Variants in ADGRL4 observed in about 807,000 individuals in gnomAD.
ADGRL4 encodes adhesion G protein-coupled receptor L4, also known as EGF, latrophilin and seven transmembrane domain containing 1.
A neutral mutation model predicts 74.8 loss-of-function variants in ADGRL4; 90 were observed. The ratio of observed to expected loss-of-function variants is 1.20; its 90% CI spans 1.02 to 1.43. The LOEUF (loss-of-function observed/expected upper bound fraction) is 1.43. ADGRL4 is among the 40% of genes most tolerant of loss of function. The pLI is 0.00. For missense variants in ADGRL4, 881 were observed against 814.3 expected, an observed-to-expected ratio of 1.08 and a Z score of -1.00; for synonymous variants, 311 against 279.2, an observed-to-expected ratio of 1.11 and a Z score of -1.14.
At chr1:78,967,038 G>T (rs1389025323) in intron 2 of ADGRL4, among the ~76,000 whole-genome samples, 1 of 151,980 alleles carries the variant, frequency 6.6e-6, no homozygotes, top group East Asian at 1.9e-4. Context: ...GTAATAAGAG[G>T]TCTAATTAAT....
At chr1:78,954,192 A>T (rs11805804) in intron 2 of ADGRL4, among the ~76,000 whole-genome samples, 2,180 of 152,074 alleles carry the variant, frequency 0.014, 55 homozygotes, top group African/African-American at 0.05. Context: ...AATAGTCTGC[A>T]CCTAGTAGGG....
chr1:78,891,670 C>T lies in ADGRL4; in HGVS notation c.1864G>A (p.Ala622Thr), dbSNP rs777964454. The T allele has an allele frequency of 1.2e-5, 19 of 1,612,126 alleles. No individual in the cohort carries two copies. The highest frequency in any genetic ancestry group is 1.6e-4 in the Middle Eastern group (1 of 6,070). ...GTGGTGCCGAGAAGGAACAGAAGAG[C>T]GAGGGCTCCTCTTGCACAAGACCTA... ...NIRSCARGAL[A>T]LLFLLGTTWI... The change falls in exon 14 of 15, where the codon GCT (alanine) becomes ACT (threonine). Residue 622 changes from alanine (A) to threonine (T), a missense_variant. Transcript: ENST00000370742.
chr1:78,903,827 T>A (rs954677434), intron 12 of ADGRL4, among the ~76,000 whole-genome samples: 2 of 151,882 alleles, frequency 1.3e-5, no homozygotes, highest in African/African-American at 4.8e-5. Flanking sequence ...TCCCAGCTAC[T>A]CAGGAGGCTG....
chr1:78,992,156 C>T (rs1650618920), intron 2 of ADGRL4, among the ~76,000 whole-genome samples: 1 of 152,014 alleles, frequency 6.6e-6, no homozygotes, highest in African/African-American at 2.4e-5. Flanking sequence ...TAGAGAAAGT[C>T]ATTATCTCCT....
In ADGRL4 at chr1:79,005,160, G is replaced by A; in HGVS notation, c.82C>T (p.Leu28Phe). 6.2e-7 allele frequency: 1 copy of A among 1,613,586 alleles called. No homozygotes were observed. Among genetic ancestry groups the A allele is most frequent in the East Asian group, 2.2e-5 (1 of 44,802 alleles). The change falls in exon 2 of 15, where the codon CTC becomes TTC. Residue 28 changes from leucine (L) to phenylalanine (F), a missense_variant. By Grantham distance (22) the Leu-to-Phe change is conservative (BLOSUM62 0). Coordinates refer to ENST00000370742, the MANE Select transcript of ADGRL4 (RefSeq NM_022159.4). ...CGTATTTCACATTTTGCATTTGGGA[G>A]ACAAGGTGTCTTGGTGCAATTTTGA... The part of the protein sequence containing the change: ...YTQNCTKTPC[L>F]PNAKCEIRNG...
At chr1:78,966,968 T>A (rs1472990256) in intron 2 of ADGRL4, among the ~76,000 whole-genome samples, 3 of 151,600 alleles carry the variant, frequency 2.0e-5, no homozygotes, top group Non-Finnish European at 2.9e-5. Context: ...TGACAAAGGA[T>A]CTTATGGGGA....
intron 3 of ADGRL4, among the ~76,000 whole-genome samples, chr1:78,940,173 A>G (rs1182385046): frequency 6.6e-6 from 1 of 152,160 alleles, no homozygotes; most frequent in Admixed American, 6.5e-5. Context: ...TATTAAACTA[A>G]ACTGATTTCA....
intron 7 of ADGRL4, among the ~76,000 whole-genome samples, chr1:78,928,447 T>C (rs2100678976): frequency 6.6e-6 from 1 of 151,556 alleles, no homozygotes; most frequent in African/African-American, 2.4e-5. Flanking sequence ...AAATTAGGGG[T>C]TCATTCACTA....
At chr1:78,955,646 G>A (rs994114212) in intron 2 of ADGRL4, among the ~76,000 whole-genome samples, 1 of 151,786 alleles carries the variant, frequency 6.6e-6, no homozygotes, top group Non-Finnish European at 1.5e-5. Flanking sequence ...CCTAAAATGA[G>A]TAAGTTTTTT....
At chr1:78,976,318 T>C (rs974161558) in intron 2 of ADGRL4, among the ~76,000 whole-genome samples, 6 of 152,132 alleles carry the variant, frequency 3.9e-5, no homozygotes, top group Admixed American at 3.9e-4. Flanking sequence ...TAGCAACAGC[T>C]TCTGTTCTCA....
intron 2 of ADGRL4, among the ~76,000 whole-genome samples, chr1:78,973,977 G>T (rs7534310): frequency 0.16 from 24,100 of 151,980 alleles, 2,080 homozygotes; most frequent in Middle Eastern, 0.21. Context: ...ATCTTTAGAT[G>T]AAAATATAGC....
chr1:79,001,473 T>C (rs1650843265), intron 2 of ADGRL4, among the ~76,000 whole-genome samples: 1 of 152,142 alleles, frequency 6.6e-6, no homozygotes, highest in South Asian at 2.1e-4. Flanking sequence ...GAAGCTACTA[T>C]GAAAAATAGC....
chr1:78,942,297 G>GT (rs1009368684), intron 3 of ADGRL4, among the ~76,000 whole-genome samples: 5 of 151,430 alleles, frequency 3.3e-5, no homozygotes, highest in African/African-American at 1.2e-4. Context: ...ACCTGATACT[G>GT]TAACTGGAAA....
chr1:78,961,965 C>T (rs10127633), intron 2 of ADGRL4, among the ~76,000 whole-genome samples: 13,501 of 151,908 alleles, frequency 0.089, 787 homozygotes, highest in East Asian at 0.33. Flanking sequence ...ACTGCAACCC[C>T]TGCCTCCCAG....
chr1:78,909,827 T>C (rs755540960), intron 12 of ADGRL4, among the ~76,000 whole-genome samples: 1 of 151,854 alleles, frequency 6.6e-6, no homozygotes, highest in Non-Finnish European at 1.5e-5. Flanking sequence ...ATACATGAAA[T>C]TATATTGGAA....
intron 12 of ADGRL4, among the ~76,000 whole-genome samples, chr1:78,904,346 TATA>T (rs1271819937): frequency 1.3e-5 from 2 of 152,040 alleles, no homozygotes; most frequent in Non-Finnish European, 2.9e-5. Context: ...GCATTTAAAG[TATA>T]ATCAATATTT....
At chr1:78,993,784 A>G (rs1196544075) in intron 2 of ADGRL4, among the ~76,000 whole-genome samples, 1 of 152,056 alleles carries the variant, frequency 6.6e-6, no homozygotes, top group East Asian at 1.9e-4. Context: ...TGTGTTAGCT[A>G]GGATGGTCTC....
At chr1:78,893,910 A>G (rs1451172379) in intron 12 of ADGRL4, among the ~76,000 whole-genome samples, 1 of 151,712 alleles carries the variant, frequency 6.6e-6, no homozygotes, top group Non-Finnish European at 1.5e-5. Flanking sequence ...TCCTTTTTCT[A>G]TAGTTTTGAA....
chr1:78,952,769 G>C (rs528205909), intron 2 of ADGRL4, among the ~76,000 whole-genome samples: 1 of 152,170 alleles, frequency 6.6e-6, no homozygotes, highest in South Asian at 2.1e-4. Context: ...TTTGTGTTGG[G>C]TATTTATTAT....
Sources: gnomAD v4.1 joint callset for allele counts (sites outside exome capture counted in the v4.1 genomes callset) on GRCh38, gnomAD v4.1.1 for gene constraint, MANE v1.5 for transcripts, NCBI Gene and HGNC (gene_info 2026-07-23, HGNC 2026-07-21) for gene names.